The following ARID1B variants were observed in gnomAD, a reference collection of about 807,000 sequenced individuals.
The protein encoded by ARID1B is AT-rich interactive domain-containing protein 1B.
Under a neutral mutation model 212.3 loss-of-function variants are expected in ARID1B, and 30 were observed. The observed-to-expected ratio is 0.14, with a 90% CI of 0.11 to 0.19. The LOEUF (loss-of-function observed/expected upper bound fraction) is 0.19. Ranked by LOEUF, ARID1B falls within the 10% of genes least tolerant of loss-of-function variation. The probability of loss-of-function intolerance (pLI) is 1.00; values close to 1 mark genes in which losing one functional copy is unlikely to be tolerated. For missense variants in ARID1B, 2,891 were observed against 3,204.0 expected, an observed-to-expected ratio of 0.90 and a Z score of 2.36; for synonymous variants, 1,402 against 1,301.7, an observed-to-expected ratio of 1.08 and a Z score of -1.66.
chr6:157,071,462 C>G (rs1425699042), intron 4 of ARID1B: 1 of 152,134 alleles, frequency 6.6e-6, no homozygotes, highest in East Asian at 1.9e-4. Flanking sequence ...TTAAAAGCAT[C>G]AGTTCACAAA....
rs1366634367 is a variant in ARID1B, at chr6:157,039,926, T to C, written c.2248-44736T>C. On this transcript the variant is annotated intron_variant, in intron 4 of 19. Transcript: ENST00000636930. ...TCCTTCCTTCCTTCCTTCTTTCTTT[T>C]CTTTCTTTCTTTCTTTTTTCTGTCT... 1.7e-3 allele frequency among the ~76,000 whole-genome samples: 216 copies of C among 126,830 alleles called. 1 individual carries two copies. Among genetic ancestry groups the C allele is most frequent in the African/African-American group, 6.0e-3 (199 of 33,388 alleles). 83.2% of individuals were successfully genotyped at this position (126,830 alleles called of 152,430 possible).
intron 2 of ARID1B, among the ~76,000 whole-genome samples, chr6:156,894,756 A>T (rs995700191): frequency 1.1e-4 from 17 of 152,260 alleles, no homozygotes. Context: ...TTTTAGTATC[A>T]TAACTTCAAA....
At chr6:156,816,319 A>C (rs1781961119) in intron 1 of ARID1B, among the ~76,000 whole-genome samples, 1 of 152,226 alleles carries the variant, frequency 6.6e-6, no homozygotes, top group Admixed American at 6.5e-5. Context: ...AAGACAGTAC[A>C]ATATTGTTTA....
intron 4 of ARID1B, among the ~76,000 whole-genome samples, chr6:156,998,667 C>T (rs1320654654): frequency 6.6e-6 from 1 of 152,216 alleles, no homozygotes; most frequent in Non-Finnish European, 1.5e-5. Context: ...TTGGCTTTCT[C>T]CAGCTCAGTT....
chr6:156,888,549 A>G (rs1349240152), intron 2 of ARID1B, among the ~76,000 whole-genome samples: 1 of 152,250 alleles, frequency 6.6e-6, no homozygotes, highest in Non-Finnish European at 1.5e-5. Context: ...TACCAGTTAC[A>G]GTCTGGGCAA....
intron 1 of ARID1B, among the ~76,000 whole-genome samples, chr6:156,812,262 G>C (rs1269294592): frequency 6.6e-6 from 1 of 152,162 alleles, no homozygotes; most frequent in East Asian, 1.9e-4. Context: ...CTCATGAGTA[G>C]CTGGGACTAC....
intron 1 of ARID1B, among the ~76,000 whole-genome samples, chr6:156,797,405 G>A (rs1008109201): frequency 2.6e-5 from 4 of 152,218 alleles, no homozygotes; most frequent in African/African-American, 4.8e-5. Flanking sequence ...AGGAGCTATC[G>A]CAGCTATTTC....
chr6:157,066,864 T>C (rs964111377), intron 4 of ARID1B, among the ~76,000 whole-genome samples: 1 of 152,162 alleles, frequency 6.6e-6, no homozygotes, highest in Non-Finnish European at 1.5e-5. Context: ...AAAATTTCTT[T>C]CTCTGGCTTG....
chr6:157,057,531 C>T (rs1277015878), intron 4 of ARID1B, among the ~76,000 whole-genome samples: 1 of 152,118 alleles, frequency 6.6e-6, no homozygotes, highest in African/African-American at 2.4e-5. Flanking sequence ...CCAAACGATC[C>T]TCCCACCTCA....
intron 4 of ARID1B, among the ~76,000 whole-genome samples, chr6:157,059,141 G>C (rs1452236850): frequency 6.6e-6 from 1 of 150,932 alleles, no homozygotes; most frequent in East Asian, 1.9e-4. Context: ...AAAGATTTAA[G>C]AGACGATATA....
chr6:157,107,602 T>G (rs1324305996), intron 5 of ARID1B: 3 of 152,332 alleles, frequency 2.0e-5, no homozygotes, highest in Admixed American at 6.5e-5. Context: ...AATACAGAAG[T>G]GTGCAATGAT....
chr6:157,195,696 T>G (rs1237003856), intron 15 of ARID1B: 1 of 157,604 alleles, frequency 6.3e-6, no homozygotes, highest in Non-Finnish European at 1.4e-5. Flanking sequence ...ATCTTAGATT[T>G]CTGCCCCCAC....
intron 4 of ARID1B, chr6:156,985,337 T>C (rs1488853310): frequency 1.3e-5 from 2 of 152,244 alleles, no homozygotes; most frequent in African/African-American, 4.8e-5. Context: ...AGCATTTTTG[T>C]ACTTAGCGTT....
At chr6:157,012,967 C>T (rs1779703837) in intron 4 of ARID1B, among the ~76,000 whole-genome samples, 1 of 152,166 alleles carries the variant, frequency 6.6e-6, no homozygotes, top group Non-Finnish European at 1.5e-5. Flanking sequence ...GCAACCTCTG[C>T]CTCCTGGGTT....
chr6:157,165,866 A>T (rs542469445), intron 8 of ARID1B: 1 of 150,254 alleles, frequency 6.7e-6, no homozygotes, highest in Non-Finnish European at 1.5e-5. Context: ...ACATAAAAAT[A>T]AAAAAATAAG....
chr6:157,146,805 A>T (rs527376470), intron 7 of ARID1B, among the ~76,000 whole-genome samples: 1 of 152,284 alleles, frequency 6.6e-6, no homozygotes, highest in East Asian at 1.9e-4. Context: ...AAAAAATAGT[A>T]AGGACTGATT....
chr6:156,871,583 G>T (rs1437989928), intron 2 of ARID1B: 1 of 1,593,344 alleles, frequency 6.3e-7, no homozygotes, highest in Admixed American at 1.7e-5. Flanking sequence ...CAACACTGTT[G>T]CTCCTAATTA....
At chr6:157,137,902 A>T (rs993050370) in intron 7 of ARID1B, among the ~76,000 whole-genome samples, 3 of 150,366 alleles carry the variant, frequency 2.0e-5, no homozygotes, top group East Asian at 1.9e-4. Context: ...GGGTTTAAAG[A>T]TTTTTTTTTT....
rs1034357334 is a variant in ARID1B, at chr6:156,921,745, C to G, written c.2137-13721C>G. Among the ~76,000 whole-genome samples the G allele has an allele frequency of 3.3e-5, 5 of 152,146 alleles. No homozygotes were observed. The East Asian group carries it at 5.8e-4, about 18-fold the overall frequency. ...GTAATACATATTTGTAAAAAAAATT[C>G]AGCAGAATCCTTGTGCTTCTTGCAT... is the stretch of plus-strand genomic sequence containing the variant. On this transcript the variant is annotated intron_variant, in intron 3 of 19. Coordinates refer to ENST00000636930, the MANE Select transcript of ARID1B (RefSeq NM_001374828.1).
Sources: gnomAD v4.1 joint callset for allele counts (sites outside exome capture counted in the v4.1 genomes callset) on GRCh38, gnomAD v4.1.1 for gene constraint, MANE v1.5 for transcripts, NCBI Gene and HGNC (gene_info 2026-07-23, HGNC 2026-07-21) for gene names.